Variants in PAFAH2 observed in about 807,000 individuals in gnomAD.
The protein encoded by PAFAH2 is platelet activating factor acetylhydrolase 2.
In PAFAH2, 42 loss-of-function variants were observed where a neutral mutation model predicts 49.0. That is an observed-to-expected ratio of 0.86 (90% CI 0.67 to 1.11). The LOEUF is 1.11. PAFAH2 is among the 50% of genes least tolerant of loss of function. The pLI, the probability that PAFAH2 is intolerant of heterozygous loss-of-function variation, is 0.00. For missense variants in PAFAH2, 503 were observed against 501.8 expected, an observed-to-expected ratio of 1.00 and a Z score of -0.02; for synonymous variants, 184 against 181.3, an observed-to-expected ratio of 1.01 and a Z score of -0.12.
intron 6 of PAFAH2, among the ~76,000 whole-genome samples, chr1:25,983,095 A>G (rs951707818): frequency 9.2e-5 from 14 of 152,182 alleles, no homozygotes; most frequent in African/African-American, 3.4e-4. Context: ...AGAGCTGTCA[A>G]GAGCTGTGGT....
chr1:25,973,053 C>A (rs1349565624), intron 9 of PAFAH2, among the ~76,000 whole-genome samples: 1 of 152,166 alleles, frequency 6.6e-6, no homozygotes, highest in Non-Finnish European at 1.5e-5. Flanking sequence ...ATCTGTGGCA[C>A]GTGGCATTTC....
At chr1:25,969,653 A>C (rs1056304862) in intron 10 of PAFAH2, among the ~76,000 whole-genome samples, 2 of 152,228 alleles carry the variant, frequency 1.3e-5, no homozygotes, top group African/African-American at 4.8e-5. Flanking sequence ...GGCCTGGCAT[A>C]AAGTAAGTCC....
chr1:25,994,600 T>C (rs896980197), intron 1 of PAFAH2, among the ~76,000 whole-genome samples: 9 of 152,124 alleles, frequency 5.9e-5, no homozygotes, highest in African/African-American at 2.2e-4. Context: ...ATCCAAGAAA[T>C]GTGCTGATTG....
chr1:25,980,383 C>T (rs1314297758), intron 7 of PAFAH2, among the ~76,000 whole-genome samples: 1 of 151,402 alleles, frequency 6.6e-6, no homozygotes, highest in African/African-American at 2.4e-5. Flanking sequence ...AGTACAATGG[C>T]GCGATCTTGG....
intron 10 of PAFAH2, among the ~76,000 whole-genome samples, chr1:25,963,785 G>A (rs1052885789): frequency 1.2e-4 from 19 of 152,228 alleles, no homozygotes; most frequent in Admixed American, 1.0e-3. Flanking sequence ...ACAGGCGTGA[G>A]CCACGGTGCC....
chr1:25,991,064 G>A, intron 1 of PAFAH2: 1 of 461,520 alleles, frequency 2.2e-6, no homozygotes, highest in African/African-American at 2.0e-5. Context: ...CTAGGGTGAG[G>A]AGATGGCTGG....
At chr1:25,972,842 G>T in intron 9 of PAFAH2, 130 bp from the exon 10 acceptor site, 1 of 916,246 alleles carries the variant, frequency 1.1e-6, no homozygotes. Context: ...CCTTGTAAGG[G>T]AAGTATTTTC....
chr1:25,962,363 C>T (rs113602177), intron 10 of PAFAH2, among the ~76,000 whole-genome samples: 222 of 152,278 alleles, frequency 1.5e-3, no homozygotes, highest in African/African-American at 4.8e-3. Context: ...GTACTAAATG[C>T]TTTACATTCA....
intron 3 of PAFAH2, 72 bp from the exon 4 acceptor site, chr1:25,988,399 G>A (rs2049818661): frequency 1.8e-6 from 2 of 1,090,806 alleles, no homozygotes; most frequent in Non-Finnish European, 2.8e-6. Flanking sequence ...CTGAGTATAG[G>A]TATGGGTGGG....
chr1:25,966,206 T>C (rs1276875491), intron 10 of PAFAH2, among the ~76,000 whole-genome samples: 1 of 152,190 alleles, frequency 6.6e-6, no homozygotes, highest in Non-Finnish European at 1.5e-5. Context: ...GAAAACGGTA[T>C]GGAGATCCCT....
intron 5 of PAFAH2, 44 bp from the exon 6 acceptor site, chr1:25,984,131 G>A: frequency 6.2e-7 from 1 of 1,610,496 alleles, no homozygotes; most frequent in South Asian, 1.1e-5. Flanking sequence ...AAACATTCTT[G>A]AGTTTATTTT....
rs142763692 is a variant in PAFAH2, at chr1:25,976,082, G to A, written c.758+600C>T. On this transcript the variant is annotated intron_variant, in intron 8 of 10. Coordinates refer to ENST00000374282, the MANE Select transcript of PAFAH2 (RefSeq NM_000437.4). ...AAGATCTTCCTCTAGATCTTCACAC[G>A]ACTGGCTTCTTTGCCTTCCCAGTCT... 1.4e-3 allele frequency among the ~76,000 whole-genome samples: 208 copies of A among 152,172 alleles called. 1 individual carries two copies. Among genetic ancestry groups the A allele is most frequent in the Non-Finnish European group, 2.4e-3 (160 of 68,018 alleles).
intron 10 of PAFAH2, among the ~76,000 whole-genome samples, chr1:25,965,541 C>T (rs1409048900): frequency 1.3e-5 from 2 of 152,110 alleles, no homozygotes; most frequent in Non-Finnish European, 2.9e-5. Flanking sequence ...AAAGGCTGGG[C>T]ATGGTGGCTC....
chr1:25,991,320 T>C (rs566983801), intron 1 of PAFAH2, among the ~76,000 whole-genome samples: 1 of 151,972 alleles, frequency 6.6e-6, no homozygotes, highest in South Asian at 2.1e-4. Flanking sequence ...CTCGCTCTGT[T>C]GCTAGGCTGG....
intron 10 of PAFAH2, among the ~76,000 whole-genome samples, chr1:25,966,970 T>C (rs1166456387): frequency 6.9e-6 from 1 of 144,618 alleles, no homozygotes; most frequent in Non-Finnish European, 1.5e-5. Flanking sequence ...AGGCGGAGCT[T>C]GCAGTGAGCC....
At chr1:25,979,319 C>CTTTTTTTTTTTTTTTTTTT (rs68030738) in intron 7 of PAFAH2, among the ~76,000 whole-genome samples, 1 of 62,156 alleles carries the variant, frequency 1.6e-5, no homozygotes, top group Non-Finnish European at 3.9e-5. Flanking sequence ...TTACCAATGC[C>CTTTTTTTTTTTTTTTTTTT]TTTTTTTTTT....
rs75893858 is a variant in PAFAH2, at chr1:25,974,839, T to G, written c.759-189A>C. On this transcript the variant is annotated intron_variant, in intron 8 of 10. Coordinates refer to ENST00000374282, the MANE Select transcript of PAFAH2 (RefSeq NM_000437.4). Reference sequence around the variant, plus strand: ...GATCACTTTTACTTTTCACCAAAGATCCTTCTAGATTTCAAACTCTCTGAG... The same window carrying G: ...GATCACTTTTACTTTTCACCAAAGAGCCTTCTAGATTTCAAACTCTCTGAG... Among the ~76,000 whole-genome samples the G allele has an allele frequency of 3.8e-3, 586 of 152,312 alleles. 7 individuals carry two copies. The highest frequency in any genetic ancestry group is 0.013 in the African/African-American group (545 of 41,562).
intron 1 of PAFAH2, among the ~76,000 whole-genome samples, chr1:25,995,579 T>C (rs892723444): frequency 2.0e-5 from 3 of 152,210 alleles, no homozygotes; most frequent in African/African-American, 7.2e-5. Flanking sequence ...AGACGCTTAC[T>C]GAGTATATAC....
chr1:25,992,900 T>C (rs780174262), intron 1 of PAFAH2, among the ~76,000 whole-genome samples: 8 of 152,292 alleles, frequency 5.3e-5, no homozygotes, highest in Middle Eastern at 3.4e-3. Flanking sequence ...ACCCGGGACT[T>C]TGGTATGACG....
Sources: gnomAD v4.1 joint callset for allele counts (sites outside exome capture counted in the v4.1 genomes callset) on GRCh38, gnomAD v4.1.1 for gene constraint, MANE v1.5 for transcripts, NCBI Gene and HGNC (gene_info 2026-07-23, HGNC 2026-07-21) for gene names.